Variants in TMEM242 observed in about 807,000 individuals in gnomAD.
The protein encoded by TMEM242 is UPF0463 transmembrane protein C6orf35.
TMEM242 carries 10 observed loss-of-function variants against 18.2 expected under a neutral mutation model. The observed-to-expected ratio is 0.55, with a 90% CI of 0.34 to 0.93. The LOEUF (loss-of-function observed/expected upper bound fraction) is 0.93. TMEM242 is among the 40% of genes least tolerant of loss of function. The pLI is 0.02. For synonymous variants in TMEM242, 57 were observed against 69.9 expected, an observed-to-expected ratio of 0.81 and a Z score of 0.92; for missense variants, 186 against 175.5, an observed-to-expected ratio of 1.06 and a Z score of -0.34.
intron 3 of TMEM242, among the ~76,000 whole-genome samples, chr6:157,304,163 C>G (rs1316057428): frequency 6.6e-6 from 1 of 152,008 alleles, no homozygotes; most frequent in Non-Finnish European, 1.5e-5. Flanking sequence ...ACATGGAAAG[C>G]AAAGAAATTA....
chr6:157,314,845 G>T (rs1407897429), intron 3 of TMEM242, among the ~76,000 whole-genome samples: 1 of 152,196 alleles, frequency 6.6e-6, no homozygotes, highest in Non-Finnish European at 1.5e-5. Context: ...TTTTAAACAT[G>T]TTCCCTTTTA....
At chr6:157,311,365 C>T (rs1562382959) in intron 3 of TMEM242, among the ~76,000 whole-genome samples, 14 of 119,842 alleles carry the variant, frequency 1.2e-4, no homozygotes, top group Non-Finnish European at 2.1e-4. Context: ...CACCTAGCCT[C>T]ATCATAGTGT....
At chr6:157,298,718 T>C (rs1583556619) in intron 3 of TMEM242, among the ~76,000 whole-genome samples, 1 of 152,340 alleles carries the variant, frequency 6.6e-6, no homozygotes. Context: ...GAAGAAAGCA[T>C]GTATCTAATG....
At chr6:157,310,527 TCATGG>T in intron 3 of TMEM242, among the ~76,000 whole-genome samples, 3 of 151,330 alleles carry the variant, frequency 2.0e-5, no homozygotes, top group Admixed American at 2.0e-4. Context: ...CCTGGCCTCA[TCATGG>T]TATCCCAGTG....
At chr6:157,295,614 G>A (rs753562083) in intron 3 of TMEM242, among the ~76,000 whole-genome samples, 13 of 152,168 alleles carry the variant, frequency 8.5e-5, no homozygotes, top group Non-Finnish European at 1.9e-4. Context: ...GGGCGGTCCT[G>A]CTCTCCTTCG....
At chr6:157,317,983 A>G (rs1554250505) in intron 3 of TMEM242, among the ~76,000 whole-genome samples, 3 of 152,242 alleles carry the variant, frequency 2.0e-5, no homozygotes, top group Admixed American at 6.5e-5. Context: ...TAAAAAAAGA[A>G]GGCAGTCATT....
chr6:157,322,682 G>T, intron 2 of TMEM242, 23 bp downstream of exon 2: 1 of 1,588,124 alleles, frequency 6.3e-7, no homozygotes, highest in South Asian at 1.1e-5. Context: ...ACAATGCTAT[G>T]AATGGATTTC....
At position 157,311,727 on chromosome 6, in the gene TMEM242, CTCAT is replaced by C. The variant is rs1554248957; in HGVS notation, c.327+7051_327+7054del. On this transcript the variant is annotated intron_variant, in intron 3 of 3. Coordinates refer to ENST00000400788, the MANE Select transcript of TMEM242 (RefSeq NM_018452.6). ...CGTCATCATAGTGCCCCAGTGTACA[CTCAT>C]CTAGCCTTATCATAGTTTCCCAGTG... Among the ~76,000 whole-genome samples, 3 of 11,312 alleles carry C rather than the reference CTCAT, an allele frequency of 2.7e-4. 1 individual carries two copies. The highest frequency in any genetic ancestry group is 3.1e-3 in the Admixed American group (2 of 652). The allele number at this position is 11,312 out of a possible 152,430, so 7.4% of individuals were successfully genotyped here.
At chr6:157,315,492 G>T (rs1554250227) in intron 3 of TMEM242, among the ~76,000 whole-genome samples, 1 of 152,188 alleles carries the variant, frequency 6.6e-6, no homozygotes, top group African/African-American at 2.4e-5. Flanking sequence ...TATATGCAGA[G>T]AGAGTGCATA....
chr6:157,316,375 T>C (rs911293292), intron 3 of TMEM242, among the ~76,000 whole-genome samples: 2 of 152,216 alleles, frequency 1.3e-5, no homozygotes, highest in Non-Finnish European at 2.9e-5. Context: ...ATCTGCTAGA[T>C]AGTTATTATG....
At chr6:157,294,441 C>G (rs1481288968) in intron 3 of TMEM242, among the ~76,000 whole-genome samples, 1 of 148,958 alleles carries the variant, frequency 6.7e-6, no homozygotes, top group Non-Finnish European at 1.5e-5. Flanking sequence ...AGCTCCGCCT[C>G]CCGGGTTCAC....
At chr6:157,299,596 A>G in intron 3 of TMEM242, 1 of 1,588,246 alleles carries the variant, frequency 6.3e-7, no homozygotes, top group Non-Finnish European at 8.6e-7. Context: ...TATCCACTGG[A>G]TTGGAAACAA....
intron 3 of TMEM242, among the ~76,000 whole-genome samples, chr6:157,314,741 T>C (rs1221905187): frequency 6.6e-6 from 1 of 152,244 alleles, no homozygotes; most frequent in African/African-American, 2.4e-5. Context: ...TGTTATTATA[T>C]GCATTCTATG....
At chr6:157,307,490 T>G (rs1475921008) in intron 3 of TMEM242, among the ~76,000 whole-genome samples, 3 of 152,190 alleles carry the variant, frequency 2.0e-5, no homozygotes, top group African/African-American at 7.2e-5. Context: ...CCTGCTTGAC[T>G]TTTTAAAAAA....
rs200607408 is a variant in TMEM242 at position 157,323,469 on chromosome 6, G to A, written c.31C>T (p.Pro11Ser). 1,804 of 1,613,978 alleles carry A rather than the reference G, an allele frequency of 1.1e-3. 1 individual carries two copies. Among genetic ancestry groups the A allele is most frequent in the Non-Finnish European group, 1.4e-3 (1,691 of 1,179,932 alleles). The change falls in exon 1 of 4, where the codon CCG becomes TCG. Residue 11 changes from proline to serine, a missense_variant. By Grantham distance (74) the Pro-to-Ser change is moderately conservative. Transcript: ENST00000400788. METAGAATGQ[P>S]ASGLEAPGST... ...CCCGGAGCCTCCAGCCCAGAGGCCGGCTGCCCAGTTGCAGCGCCCGCTGTC... is the reference window on the plus strand; with the variant it reads ...CCCGGAGCCTCCAGCCCAGAGGCCGACTGCCCAGTTGCAGCGCCCGCTGTC...
intron 3 of TMEM242, among the ~76,000 whole-genome samples, chr6:157,294,193 C>T (rs1199633428): frequency 6.6e-6 from 1 of 152,106 alleles, no homozygotes; most frequent in Non-Finnish European, 1.5e-5. Flanking sequence ...TTAATCTATA[C>T]GGTCCTCCTA....
At chr6:157,309,844 G>A (rs1369696575) in intron 3 of TMEM242, among the ~76,000 whole-genome samples, 1 of 149,972 alleles carries the variant, frequency 6.7e-6, no homozygotes, top group Non-Finnish European at 1.5e-5. Context: ...TTACAGTTGA[G>A]GTTTCAGCTC....
At chr6:157,318,504 T>C (rs1402316079) in intron 3 of TMEM242, 2 of 435,538 alleles carry the variant, frequency 4.6e-6, no homozygotes, top group Admixed American at 4.3e-5. Context: ...ATTACAGGCA[T>C]AACCCACTGC....
intron 3 of TMEM242, among the ~76,000 whole-genome samples, chr6:157,309,754 C>A (rs184801603): frequency 6.8e-6 from 1 of 146,634 alleles, no homozygotes; most frequent in Admixed American, 6.8e-5. Context: ...TTCATTTATA[C>A]ATTAATTTAA....
Sources: gnomAD v4.1 joint callset for allele counts (sites outside exome capture counted in the v4.1 genomes callset) on GRCh38, gnomAD v4.1.1 for gene constraint, MANE v1.5 for transcripts, NCBI Gene and HGNC (gene_info 2026-07-23, HGNC 2026-07-21) for gene names.